Variants in LGMN observed in about 807,000 individuals in gnomAD.
The protein encoded by LGMN is legumain.
LGMN carries 36 observed loss-of-function variants against 56.8 expected under a neutral mutation model. The ratio of observed to expected loss-of-function variants is 0.63; its 90% CI spans 0.49 to 0.84. LGMN has a LOEUF of 0.84. Ranked by LOEUF, LGMN falls within the 40% of genes least tolerant of loss-of-function variation. The pLI is 0.00. For synonymous variants in LGMN, 199 were observed against 210.1 expected, an observed-to-expected ratio of 0.95 and a Z score of 0.46; for missense variants, 446 against 556.1, an observed-to-expected ratio of 0.80 and a Z score of 1.99.
intron 2 of LGMN, among the ~76,000 whole-genome samples, chr14:92,729,467 G>GCCTCCCCCCCCC (rs1890921334): frequency 3.9e-5 from 1 of 25,396 alleles, no homozygotes; most frequent in African/African-American, 1.9e-4. Context: ...CTCAGATCAC[G>GCCTCCCCCCCCC]CCCCCCCCCC....
chr14:92,706,087 T>C (rs1030382915), intron 12 of LGMN, among the ~76,000 whole-genome samples: 6 of 152,154 alleles, frequency 3.9e-5, no homozygotes, highest in Non-Finnish European at 8.8e-5. Context: ...TCAGTACTTC[T>C]CCATGGGCCA....
chr14:92,712,744 C>T, intron 8 of LGMN, 61 bp downstream of exon 8: 2 of 1,482,624 alleles, frequency 1.3e-6, no homozygotes, highest in Non-Finnish European at 1.9e-6. Flanking sequence ...AGTTCCATGT[C>T]AGCGGTGTCT....
At chr14:92,711,553 A>G (rs1889769087) in intron 10 of LGMN, 106 bp downstream of exon 10, 1 of 1,057,976 alleles carries the variant, frequency 9.5e-7, no homozygotes, top group Non-Finnish European at 1.5e-6. Flanking sequence ...TGCCTCAAGC[A>G]TTCCTCACTC....
chr14:92,729,127 CTTTTTTT>C (rs55843490), intron 2 of LGMN, among the ~76,000 whole-genome samples: 4 of 110,106 alleles, frequency 3.6e-5, no homozygotes, highest in South Asian at 2.8e-4. Context: ...CTCAGCTTTT[CTTTTTTT>C]TTTTTTTTTT....
chr14:92,705,730 C>T (rs1443113396), intron 12 of LGMN, among the ~76,000 whole-genome samples: 4 of 151,822 alleles, frequency 2.6e-5, no homozygotes, highest in Admixed American at 6.6e-5. Context: ...CTGGTTCAAG[C>T]GATTCTCCTG....
rs1239494042 is a variant in LGMN at position 92,745,288 on chromosome 14, C to T, written c.-30+3201G>A. ...GACCAGTGCAGTTTGCAGCCTTTTC[C>T]CAAAATGACTGAGCCTAACTTTTTA... is the stretch of plus-strand genomic sequence containing the variant. On this transcript the variant is annotated intron_variant, in intron 1 of 13. Coordinates refer to ENST00000334869, the MANE Select transcript of LGMN (RefSeq NM_005606.7). 2.6e-5 allele frequency among the ~76,000 whole-genome samples: 4 copies of T among 152,278 alleles called. No individual in the cohort carries two copies. In the East Asian group the frequency reaches 7.7e-4, roughly 29 times the overall value.
At chr14:92,727,417 A>C (rs1890793639) in intron 2 of LGMN, among the ~76,000 whole-genome samples, 1 of 147,328 alleles carries the variant, frequency 6.8e-6, no homozygotes, top group African/African-American at 2.5e-5. Flanking sequence ...GTGGCAGAGC[A>C]AGACTGCCTC....
intron 2 of LGMN, among the ~76,000 whole-genome samples, chr14:92,730,497 G>T (rs567406772): frequency 6.6e-6 from 1 of 152,116 alleles, no homozygotes; most frequent in African/African-American, 2.4e-5. Flanking sequence ...TGCGATAATA[G>T]CTCACGGCAG....
At chr14:92,738,888 ATG>A (rs1891424037) in intron 1 of LGMN, among the ~76,000 whole-genome samples, 1 of 151,674 alleles carries the variant, frequency 6.6e-6, no homozygotes, top group South Asian at 2.1e-4. Context: ...GCGTGGTGGT[ATG>A]TACCTGTAGT....
chr14:92,708,266 C>T (rs1889549893), intron 11 of LGMN, among the ~76,000 whole-genome samples: 1 of 151,980 alleles, frequency 6.6e-6, no homozygotes, highest in Non-Finnish European at 1.5e-5. Flanking sequence ...CATAACCCAC[C>T]ATGAACAAAA....
intron 11 of LGMN, among the ~76,000 whole-genome samples, chr14:92,707,029 C>T (rs1468954860): frequency 6.6e-6 from 1 of 152,144 alleles, no homozygotes; most frequent in East Asian, 1.9e-4. Context: ...CAGCAGGGCA[C>T]AGAGGGACTT....
rs945545840 is a variant in LGMN at position 92,714,564 on chromosome 14, A to G, written c.405-113T>C. On this transcript the variant is annotated intron_variant, in intron 5 of 13. Coordinates refer to ENST00000334869, the MANE Select transcript of LGMN (RefSeq NM_005606.7). The surrounding 1 kb of genome is among the most constrained non-coding windows in gnomAD (Gnocchi z 5.1). ...GAAGTTTGGGGAGTAGAGTTGCCCA[A>G]CCAGGTTTGAAGATGAACACAAGGG... The G allele has an allele frequency of 1.4e-6, 1 of 739,654 alleles. No individual in the cohort carries two copies. The highest frequency in any genetic ancestry group is 2.2e-6 in the Non-Finnish European group (1 of 444,770). The allele number at this position is 739,654 out of a possible 1,614,324, so 45.8% of individuals were successfully genotyped here. A position where few individuals can be genotyped will look rare whatever the true frequency, so the allele number is the denominator to read the frequency against.
At chr14:92,745,293 A>AT in intron 1 of LGMN, among the ~76,000 whole-genome samples, 1 of 152,360 alleles carries the variant, frequency 6.6e-6, no homozygotes, top group South Asian at 2.1e-4. Context: ...TTTTCCCAAA[A>AT]TGACTGAGCC....
At chr14:92,717,533 T>C in intron 3 of LGMN, 72 bp from the exon 4 acceptor site, 2 of 1,121,522 alleles carry the variant, frequency 1.8e-6, no homozygotes, top group Non-Finnish European at 1.4e-6. Context: ...AACACATGTA[T>C]GTTATGCGAA....
At chr14:92,740,202 C>T (rs749209163) in intron 1 of LGMN, among the ~76,000 whole-genome samples, 29 of 152,234 alleles carry the variant, frequency 1.9e-4, no homozygotes, top group Non-Finnish European at 3.8e-4. Context: ...GAGGCGAGAT[C>T]GCGCCATTGC....
intron 4 of LGMN, 132 bp downstream of exon 4, chr14:92,717,248 C>CTAATACG (rs1483432576): frequency 4.0e-5 from 23 of 574,750 alleles, no homozygotes; most frequent in Non-Finnish European, 3.2e-6. Context: ...GGCAAAAATC[C>CTAATACG]TAATACGAAT....
chr14:92,720,687 T>A (rs1890418531), intron 2 of LGMN, among the ~76,000 whole-genome samples: 4 of 152,046 alleles, frequency 2.6e-5, no homozygotes, highest in Admixed American at 2.6e-4. Flanking sequence ...GCTCAAACAC[T>A]AATTGTGGTA....
At chr14:92,718,879 G>T (rs748761044) in intron 2 of LGMN, 35 bp from the exon 3 acceptor site, 5 of 1,516,366 alleles carry the variant, frequency 3.3e-6, no homozygotes, top group Middle Eastern at 1.7e-4. Flanking sequence ...TTTAGATCTT[G>T]CCTGGGAGGC....
At chr14:92,713,011 A>G (rs1889875123) in intron 7 of LGMN, 140 bp from the exon 8 acceptor site, 1 of 660,414 alleles carries the variant, frequency 1.5e-6, no homozygotes, top group East Asian at 2.9e-5. Context: ...TGCTGTAAAG[A>G]GGCTGCTGCC....
Sources: allele counts gnomAD v4.1 joint callset (sites outside exome capture counted in the v4.1 genomes callset), GRCh38; gene constraint gnomAD v4.1.1; non-coding constraint Gnocchi (gnomAD v3.1); transcripts MANE v1.5; gene names NCBI Gene and HGNC (gene_info 2026-07-23, HGNC 2026-07-21).